BTBD7: variants seen among roughly 807,000 people sequenced by gnomAD.
BTBD7 encodes the protein BTB/POZ domain-containing protein 7.
A neutral mutation model predicts 99.9 loss-of-function variants in BTBD7; 38 were observed. The observed-to-expected ratio is 0.38, with a 90% CI of 0.29 to 0.50. The LOEUF is 0.50. Among genes scored for constraint, BTBD7 ranks in the 20% least tolerant of loss-of-function variants. BTBD7 has a pLI of 0.93. For synonymous variants in BTBD7, 520 were observed against 511.4 expected, an observed-to-expected ratio of 1.02 and a Z score of -0.23; for missense variants, 1,170 against 1,394.6, an observed-to-expected ratio of 0.84 and a Z score of 2.57.
Position 93,253,801 on chromosome 14 carries a change from A to ATTTTTT in BTBD7, c.1609-17_1609-12dup. 1 of 1,417,322 alleles carries ATTTTTT rather than the reference A, an allele frequency of 7.1e-7. No homozygotes were observed. Among genetic ancestry groups the ATTTTTT allele is most frequent in the Non-Finnish European group, 9.6e-7 (1 of 1,046,816 alleles). The allele number at this position is 1,417,322 out of a possible 1,614,324, so 87.8% of individuals were successfully genotyped here. On this transcript the variant is annotated splice_polypyrimidine_tract_variant and intron_variant, in intron 6 of 10. Coordinates refer to ENST00000334746, the MANE Select transcript of BTBD7 (RefSeq NM_001002860.4). ...CAAGCCTCTTTTCATCTAAAAAAAA[A>ATTTTTT]TTTTTTTTTTAGATAGAAATCTGTG...
intron 3 of BTBD7, among the ~76,000 whole-genome samples, chr14:93,284,040 T>C (rs2052751024): frequency 6.6e-6 from 1 of 150,504 alleles, no homozygotes. Context: ...AGTTATATAA[T>C]TTACCATAAA....
chr14:93,261,719 A>G (rs370733406), intron 4 of BTBD7, 42 bp from the exon 5 acceptor site: 27 of 1,433,120 alleles, frequency 1.9e-5, no homozygotes, highest in African/African-American at 5.6e-5. Flanking sequence ...GTGAAATTAG[A>G]TAAGTGGTTA....
At chr14:93,307,306 T>A (rs2053081891) in intron 1 of BTBD7, among the ~76,000 whole-genome samples, 2 of 152,116 alleles carry the variant, frequency 1.3e-5, no homozygotes, top group Non-Finnish European at 2.9e-5. Flanking sequence ...TGTGCCACCA[T>A]GTCCAGCTAA....
At chr14:93,268,276 T>C (rs1347896282) in intron 3 of BTBD7, among the ~76,000 whole-genome samples, 1 of 152,194 alleles carries the variant, frequency 6.6e-6, no homozygotes, top group Non-Finnish European at 1.5e-5. Context: ...TTAGGTCAGG[T>C]GTTCCTCCTA....
At position 93,242,072 on chromosome 14, in the gene BTBD7, G is replaced by A. The variant is rs1392652032; in HGVS notation, c.*201C>T. On this transcript the variant is annotated 3_prime_UTR_variant, in exon 11 of 11. Coordinates refer to ENST00000334746, the MANE Select transcript of BTBD7 (RefSeq NM_001002860.4). ...GACATAATTGTTCAAAGACAAATTAGACAGATGCAACATTAAAAAAAAAAA... is the reference window on the plus strand; with the variant it reads ...GACATAATTGTTCAAAGACAAATTAAACAGATGCAACATTAAAAAAAAAAA... The A allele has an allele frequency of 3.6e-6, 2 of 548,436 alleles. No homozygotes were observed. The highest frequency in any genetic ancestry group is 6.4e-6 in the Non-Finnish European group (2 of 314,692). 34.0% of individuals were successfully genotyped at this position (548,436 alleles called of 1,614,324 possible). A position where few individuals can be genotyped will look rare whatever the true frequency, so the allele number is the denominator to read the frequency against.
At chr14:93,257,062 A>C (rs2052438314) in intron 6 of BTBD7, 133 bp downstream of exon 6, 1 of 843,744 alleles carries the variant, frequency 1.2e-6, no homozygotes, top group Non-Finnish European at 1.8e-6. Context: ...TACACAATAG[A>C]CATCTGTCTC....
intron 1 of BTBD7, among the ~76,000 whole-genome samples, chr14:93,297,586 G>C (rs1354791074): frequency 2.0e-5 from 3 of 152,140 alleles, no homozygotes; most frequent in Admixed American, 6.5e-5. Context: ...CAGGAAAACA[G>C]GAACTAAAAT....
intron 3 of BTBD7, among the ~76,000 whole-genome samples, chr14:93,280,408 A>C (rs966461330): frequency 1.3e-5 from 2 of 152,338 alleles, no homozygotes; most frequent in Non-Finnish European, 2.9e-5. Flanking sequence ...AAACCACTTC[A>C]GAAAAGGCTA....
At chr14:93,324,887 G>A (rs1313605256) in intron 1 of BTBD7, among the ~76,000 whole-genome samples, 1 of 152,148 alleles carries the variant, frequency 6.6e-6, no homozygotes, top group African/African-American at 2.4e-5. Context: ...GAAGAGAAAA[G>A]TAGACATTAG....
At chr14:93,332,791 C>A in intron 1 of BTBD7, 29 bp downstream of exon 1, 1 of 1,465,978 alleles carries the variant, frequency 6.8e-7, no homozygotes, top group Non-Finnish European at 9.0e-7. Flanking sequence ...CTCGGCTCCA[C>A]AGCCTCAGAG....
At chr14:93,261,995 G>GTA (rs1246805818) in intron 4 of BTBD7, among the ~76,000 whole-genome samples, 3 of 151,672 alleles carry the variant, frequency 2.0e-5, no homozygotes, top group African/African-American at 7.3e-5. Flanking sequence ...AGATGAAGTC[G>GTA]TACTCTATTG....
At chr14:93,307,237 C>T (rs1189816516) in intron 1 of BTBD7, among the ~76,000 whole-genome samples, 1 of 152,190 alleles carries the variant, frequency 6.6e-6, no homozygotes, top group Non-Finnish European at 1.5e-5. Flanking sequence ...TCATAGCTCA[C>T]AGTGCCTGGG....
At chr14:93,327,486 G>C (rs546506929) in intron 1 of BTBD7, among the ~76,000 whole-genome samples, 1 of 152,254 alleles carries the variant, frequency 6.6e-6, no homozygotes, top group South Asian at 2.1e-4. Context: ...TCAACTTCAT[G>C]ATAATATATT....
chr14:93,246,100 T>G lies in BTBD7; in HGVS notation c.2308A>C (p.Thr770Pro), dbSNP rs2052303914. The G allele has an allele frequency of 1.3e-6, 2 of 1,544,512 alleles. No homozygotes were observed. Among genetic ancestry groups the G allele is most frequent in the African/African-American group, 1.6e-5 (1 of 61,904 alleles). ...GCTTTGAGTTGGTTATGGATTGGGG[T>G]AGCTGGGGGGTGGTAGGGAGGTGGT... ...PPPPPYHPPA[T>P]PIHNQLKAGW... The change falls in exon 10 of 11, where the codon ACC becomes CCC. Residue 770 changes from threonine (T) to proline (P), a missense_variant. Thr to Pro is a conservative substitution (Grantham distance 38, BLOSUM62 -1). Coordinates refer to ENST00000334746, the MANE Select transcript of BTBD7 (RefSeq NM_001002860.4).
chr14:93,303,439 GA>G (rs1201618374), intron 1 of BTBD7, among the ~76,000 whole-genome samples: 2,497 of 137,608 alleles, frequency 0.018, 72 homozygotes, highest in African/African-American at 0.064. Flanking sequence ...CCCCATCTCA[GA>G]AAAAAAAAAG....
rs937543432 is a variant in BTBD7 at position 93,257,040 on chromosome 14, G to A, written c.1608+155C>T. 19 of 717,598 alleles carry A rather than the reference G, an allele frequency of 2.6e-5. No homozygotes were observed. In the Admixed American group the frequency reaches 4.2e-4, roughly 16 times the overall value. 44.5% of individuals were successfully genotyped at this position (717,598 alleles called of 1,614,324 possible). A position where few individuals can be genotyped will look rare whatever the true frequency, so the allele number is the denominator to read the frequency against. On this transcript the variant is annotated intron_variant, in intron 6 of 10. Transcript: ENST00000334746. ...ACTGTATTATGTGGAAGACACAGGA[G>A]ATACAACATCGTACACAATAGACAT...
At chr14:93,269,189 T>TA (rs1429853954) in intron 3 of BTBD7, among the ~76,000 whole-genome samples, 2 of 152,264 alleles carry the variant, frequency 1.3e-5, no homozygotes, top group East Asian at 3.9e-4. Context: ...GGAAGACAGA[T>TA]AAAAAACTGG....
In BTBD7 at chr14:93,261,592, C is replaced by T. The variant is rs377462797; in HGVS notation, c.1447+10G>A. On this transcript the variant is annotated intron_variant, in intron 5 of 10. Transcript: ENST00000334746. The stretch of plus-strand genomic sequence containing the variant: ...AAGGTAACTAGTGCAAGCTAATTTT[C>T]GGAGCTTACCTCTATCTGCTATTCT... 48 of 1,604,062 alleles carry T rather than the reference C, an allele frequency of 3.0e-5. No homozygotes were observed. Among genetic ancestry groups the T allele is most frequent in the Non-Finnish European group, 3.7e-5 (43 of 1,172,932 alleles).
intron 10 of BTBD7, 83 bp downstream of exon 10, chr14:93,245,742 C>G: frequency 1.3e-6 from 2 of 1,540,500 alleles, no homozygotes. Context: ...TGCTGAGTCC[C>G]AGTGGGGCTC....
Sources: gnomAD v4.1 joint callset for allele counts (sites outside exome capture counted in the v4.1 genomes callset) on GRCh38, gnomAD v4.1.1 for gene constraint, MANE v1.5 for transcripts, NCBI Gene and HGNC (gene_info 2026-07-23, HGNC 2026-07-21) for gene names.